SQOR: variants seen among roughly 807,000 people sequenced by gnomAD.
SQOR encodes the protein sulfide quinone oxidoreductase.
Under a neutral mutation model 48.6 loss-of-function variants are expected in SQOR, and 39 were observed. The observed-to-expected ratio is 0.80, with a 90% CI of 0.62 to 1.05. SQOR has a LOEUF of 1.05. Among genes scored for constraint, SQOR ranks in the 50% least tolerant of loss-of-function variants. The pLI is 0.00. For missense variants in SQOR, 561 were observed against 559.9 expected (o/e 1.00, Z -0.02); for synonymous variants, 220 against 206.2 (o/e 1.07, Z -0.57).
intron 2 of SQOR, 38 bp downstream of exon 2, chr15:45,659,195 C>A: frequency 1.5e-6 from 2 of 1,349,692 alleles, no homozygotes; most frequent in Non-Finnish European, 9.9e-7. Context: ...TGTGTGTGTA[C>A]GTGTGTGTGT....
At chr15:45,651,877 CCTT>C (rs922171295) in intron 1 of SQOR, among the ~76,000 whole-genome samples, 9 of 151,888 alleles carry the variant, frequency 5.9e-5, no homozygotes, top group African/African-American at 9.7e-5. Flanking sequence ...TCCTCCTTCT[CCTT>C]CTTCTTCTTC....
chr15:45,666,837 CT>C (rs1287114314), intron 3 of SQOR, among the ~76,000 whole-genome samples: 2 of 34,424 alleles, frequency 5.8e-5, no homozygotes, highest in African/African-American at 2.1e-4. Context: ...CTCCTCTCCC[CT>C]CCCCTCCCCT....
At chr15:45,632,952 A>AT (rs1185324254), upstream of SQOR, among the ~76,000 whole-genome samples, 2 of 151,306 alleles carry the variant, frequency 1.3e-5, no homozygotes, top group African/African-American at 4.9e-5. Context: ...AAAAAAAAAA[A>AT]ATAAATAAAT....
intron 3 of SQOR, among the ~76,000 whole-genome samples, chr15:45,663,506 C>T (rs1251307683): frequency 6.6e-6 from 1 of 152,114 alleles, no homozygotes; most frequent in Non-Finnish European, 1.5e-5. Context: ...TGGTTCACAC[C>T]TGTAATCCCA....
rs981343470 is a variant in SQOR, at chr15:45,673,791, A to C, written c.644A>C (p.Tyr215Ser). 2.5e-6 allele frequency: 4 copies of C among 1,614,012 alleles called. No homozygotes were observed. In the African/African-American group the frequency reaches 5.3e-5, roughly 22 times the overall value. The stretch of plus-strand genomic sequence containing the variant: ...AAGATCATGTACTTATCAGAAGCCT[A>C]CTTCAGGAAGGTATGCTTCCTTTCT... ...PQKIMYLSEA[Y>S]FRKTGKRSKA... Residue 215 changes from tyrosine (Y) to serine (S), a missense_variant, in exon 5 of 10, where the codon TAC (tyrosine) becomes TCC (serine). Tyr to Ser is a moderately radical substitution (Grantham distance 144, BLOSUM62 -2). Coordinates refer to ENST00000260324, the MANE Select transcript of SQOR (RefSeq NM_021199.4).
At chr15:45,678,810 C>T (rs943443113) in intron 6 of SQOR, among the ~76,000 whole-genome samples, 2 of 152,124 alleles carry the variant, frequency 1.3e-5, no homozygotes, top group African/African-American at 4.8e-5. Flanking sequence ...TTGGGAGGTC[C>T]CTCCAGCTTT....
chr15:45,636,825 T>G (rs751914506), intron 1 of SQOR, among the ~76,000 whole-genome samples: 3 of 152,196 alleles, frequency 2.0e-5, no homozygotes, highest in Non-Finnish European at 2.9e-5. Context: ...ATAAAAGATG[T>G]AAATATTAAA....
chr15:45,652,393 G>T (rs1889509513), intron 1 of SQOR, among the ~76,000 whole-genome samples: 1 of 151,990 alleles, frequency 6.6e-6, no homozygotes, highest in African/African-American at 2.4e-5. Context: ...GGAGTGCAGG[G>T]GTGTGATCTC....
chr15:45,646,655 A>T (rs191681392), intron 1 of SQOR, among the ~76,000 whole-genome samples: 18 of 152,284 alleles, frequency 1.2e-4, no homozygotes, highest in African/African-American at 3.8e-4. Context: ...TAGTTTTTTT[A>T]AATTTTTCAT....
chr15:45,653,068 G>A (rs1366806548), intron 1 of SQOR, among the ~76,000 whole-genome samples: 1 of 152,134 alleles, frequency 6.6e-6, no homozygotes, highest in Non-Finnish European at 1.5e-5. Context: ...ATTACTGTTG[G>A]TTCCTAAGTG....
At chr15:45,638,488 C>T (rs1456251772) in intron 1 of SQOR, among the ~76,000 whole-genome samples, 3 of 151,932 alleles carry the variant, frequency 2.0e-5, no homozygotes, top group South Asian at 2.1e-4. Context: ...TTTGGGAGGC[C>T]GAGGTAAGCA....
intron 1 of SQOR, among the ~76,000 whole-genome samples, chr15:45,643,837 A>G (rs984181125): frequency 6.6e-6 from 1 of 152,142 alleles, no homozygotes; most frequent in Non-Finnish European, 1.5e-5. Flanking sequence ...GATAAAATAG[A>G]TGTGAAGATT....
At chr15:45,684,799 C>T (rs1382458316) in intron 7 of SQOR, among the ~76,000 whole-genome samples, 2 of 152,152 alleles carry the variant, frequency 1.3e-5, no homozygotes, top group Non-Finnish European at 2.9e-5. Flanking sequence ...TTCGATGTTC[C>T]AGATAGATAA....
chr15:45,658,749 C>T (rs1331273702), intron 1 of SQOR, among the ~76,000 whole-genome samples, 158 bp from the exon 2 acceptor site: 1 of 152,180 alleles, frequency 6.6e-6, no homozygotes, highest in Non-Finnish European at 1.5e-5. Flanking sequence ...TCTCAGGAGA[C>T]CTTGGGACCA....
chr15:45,687,826 A>G (rs1381025384), intron 7 of SQOR, among the ~76,000 whole-genome samples: 1 of 152,218 alleles, frequency 6.6e-6, no homozygotes, highest in Non-Finnish European at 1.5e-5. Context: ...CTCTATATCT[A>G]TAGATCTATA....
chr15:45,678,653 C>A (rs1890076349), intron 6 of SQOR, among the ~76,000 whole-genome samples: 1 of 151,872 alleles, frequency 6.6e-6, no homozygotes, highest in South Asian at 2.1e-4. Context: ...TTGAATAGCT[C>A]CTGTGTAGTT....
At chr15:45,686,152 A>AATAAT (rs1555402448) in intron 7 of SQOR, among the ~76,000 whole-genome samples, 18 of 150,014 alleles carry the variant, frequency 1.2e-4, no homozygotes, top group Non-Finnish European at 2.7e-4. Context: ...GGCCTCATTT[A>AATAAT]ATATATATAT....
chr15:45,686,404 A>G (rs1890226157), intron 7 of SQOR, among the ~76,000 whole-genome samples: 5 of 152,050 alleles, frequency 3.3e-5, no homozygotes, highest in African/African-American at 1.2e-4. Context: ...CACCCACCTC[A>G]GCCTCCCAAA....
intron 1 of SQOR, among the ~76,000 whole-genome samples, chr15:45,639,554 T>G (rs1422007478): frequency 1.3e-5 from 2 of 152,252 alleles, no homozygotes; most frequent in African/African-American, 4.8e-5. Context: ...TACCAATTCC[T>G]GACTTCTGGG....
Sources: gnomAD v4.1 joint callset for allele counts (sites outside exome capture counted in the v4.1 genomes callset) on GRCh38, gnomAD v4.1.1 for gene constraint, MANE v1.5 for transcripts, NCBI Gene and HGNC (gene_info 2026-07-23, HGNC 2026-07-21) for gene names.